The following GMDS variants were observed in gnomAD, a reference collection of about 807,000 sequenced individuals.
The protein encoded by GMDS is GDP-mannose 4,6-dehydratase.
A neutral mutation model predicts 49.9 loss-of-function variants in GMDS; 20 were observed. That is an observed-to-expected ratio of 0.40 (90% CI 0.28 to 0.58). GMDS has a LOEUF of 0.58. GMDS is among the 20% of genes least tolerant of loss of function. The pLI is 0.42. For synonymous variants in GMDS, 177 were observed against 178.6 expected, an observed-to-expected ratio of 0.99 and a Z score of 0.07; for missense variants, 362 against 481.4, an observed-to-expected ratio of 0.75 and a Z score of 2.32.
chr6:1,976,158 C>A (rs1431726365), intron 4 of GMDS, among the ~76,000 whole-genome samples: 1 of 152,008 alleles, frequency 6.6e-6, no homozygotes, highest in African/African-American at 2.4e-5. Flanking sequence ...CATAGATCAG[C>A]CCATTATGAG....
chr6:1,844,397 G>A (rs1757291714), intron 7 of GMDS, among the ~76,000 whole-genome samples: 1 of 152,308 alleles, frequency 6.6e-6, no homozygotes, highest in South Asian at 2.1e-4. Context: ...TTTAAAAATA[G>A]TATTACAGCA....
At chr6:1,943,065 C>T (rs914772967) in intron 6 of GMDS, among the ~76,000 whole-genome samples, 4 of 152,192 alleles carry the variant, frequency 2.6e-5, no homozygotes, top group African/African-American at 9.7e-5. Flanking sequence ...GCCTATGGGC[C>T]GGAAGCTCCT....
At chr6:2,148,662 C>T (rs555999074) in intron 1 of GMDS, among the ~76,000 whole-genome samples, 3 of 152,276 alleles carry the variant, frequency 2.0e-5, no homozygotes, top group South Asian at 2.1e-4. Flanking sequence ...TCAGGTGATC[C>T]GCCCGCCTTG....
intron 9 of GMDS, among the ~76,000 whole-genome samples, chr6:1,690,029 C>T (rs1394930681): frequency 2.0e-5 from 3 of 152,080 alleles, no homozygotes; most frequent in Non-Finnish European, 2.9e-5. Context: ...CTCTTGAACC[C>T]GGGAGGCAGA....
chr6:1,987,584 A>T (rs1765633798), intron 4 of GMDS, among the ~76,000 whole-genome samples: 1 of 152,226 alleles, frequency 6.6e-6, no homozygotes, highest in African/African-American at 2.4e-5. Flanking sequence ...TTCTAGTGAG[A>T]GGAGAAGAAA....
intron 7 of GMDS, among the ~76,000 whole-genome samples, chr6:1,805,956 G>C (rs1770159115): frequency 6.6e-6 from 1 of 152,098 alleles, no homozygotes; most frequent in Admixed American, 6.5e-5. Context: ...TGAAAATGTA[G>C]ATATATGTAA....
At chr6:2,068,748 T>G (rs577818838) in intron 4 of GMDS, among the ~76,000 whole-genome samples, 4 of 152,140 alleles carry the variant, frequency 2.6e-5, no homozygotes, top group Non-Finnish European at 5.9e-5. Flanking sequence ...TACAAGCCAC[T>G]GCTCAAGGAA....
intron 7 of GMDS, among the ~76,000 whole-genome samples, chr6:1,887,347 T>C (rs1392846011): frequency 7.2e-5 from 11 of 152,078 alleles, no homozygotes; most frequent in Admixed American, 5.2e-4. Flanking sequence ...TAGAAGGCCA[T>C]AGATTTGGAA....
At chr6:1,730,480 A>G (rs1167402588) in intron 8 of GMDS, among the ~76,000 whole-genome samples, 1 of 152,194 alleles carries the variant, frequency 6.6e-6, no homozygotes, top group Admixed American at 6.5e-5. Flanking sequence ...GCAAATCTCC[A>G]TAGGCAGCAG....
At chr6:1,672,178 T>A (rs959646049) in intron 9 of GMDS, among the ~76,000 whole-genome samples, 1 of 152,146 alleles carries the variant, frequency 6.6e-6, no homozygotes, top group Non-Finnish European at 1.5e-5. Context: ...ACGACGACTG[T>A]GGAGCATTTG....
intron 7 of GMDS, among the ~76,000 whole-genome samples, chr6:1,752,797 C>T (rs143264327): frequency 5.3e-5 from 8 of 152,074 alleles, no homozygotes; most frequent in South Asian, 2.1e-4. Flanking sequence ...GCTTCAAAAG[C>T]GAAGGAGAAA....
intron 7 of GMDS, among the ~76,000 whole-genome samples, chr6:1,914,320 G>C (rs1352292779): frequency 6.6e-6 from 1 of 151,292 alleles, no homozygotes; most frequent in Non-Finnish European, 1.5e-5. Flanking sequence ...GCCTGGCGTG[G>C]TGGTGGGCGC....
At chr6:1,645,241 T>C (rs1450631302) in intron 9 of GMDS, among the ~76,000 whole-genome samples, 2 of 152,118 alleles carry the variant, frequency 1.3e-5, no homozygotes, top group Non-Finnish European at 2.9e-5. Flanking sequence ...GCCTGCTTGA[T>C]TCTTATACCC....
chr6:1,847,003 T>C (rs1302615155), intron 7 of GMDS, among the ~76,000 whole-genome samples: 1 of 152,194 alleles, frequency 6.6e-6, no homozygotes, highest in Non-Finnish European at 1.5e-5. Context: ...CTTTCAGATG[T>C]ATTGAAATAG....
chr6:1,911,118 T>C (rs1282290219), intron 7 of GMDS, among the ~76,000 whole-genome samples: 1 of 152,098 alleles, frequency 6.6e-6, no homozygotes, highest in Non-Finnish European at 1.5e-5. Flanking sequence ...ATATATTTGA[T>C]GTGGGTAATA....
intron 9 of GMDS, among the ~76,000 whole-genome samples, chr6:1,654,088 C>A (rs1016155046): frequency 6.6e-6 from 1 of 152,038 alleles, no homozygotes; most frequent in Non-Finnish European, 1.5e-5. Flanking sequence ...GGTTTACTAT[C>A]AAAAAACCCA....
At chr6:2,143,002 A>G (rs1408292682) in intron 1 of GMDS, among the ~76,000 whole-genome samples, 2 of 152,112 alleles carry the variant, frequency 1.3e-5, no homozygotes, top group Non-Finnish European at 2.9e-5. Context: ...ACTTTCTCAG[A>G]AATGCATCCT....
At chr6:1,742,441 A>G in intron 8 of GMDS, 27 bp downstream of exon 8, 1 of 1,269,178 alleles carries the variant, frequency 7.9e-7, no homozygotes, top group Non-Finnish European at 1.2e-6. Flanking sequence ...AGAGAGCTAC[A>G]AGTAGTCATT....
intron 1 of GMDS, among the ~76,000 whole-genome samples, chr6:2,184,503 T>C (rs111883116): frequency 0.024 from 3,628 of 152,212 alleles, 132 homozygotes; most frequent in African/African-American, 0.082. Context: ...TGCACTTCTA[T>C]TTGTTCTGCC....
Sources: gnomAD v4.1 joint callset for allele counts (sites outside exome capture counted in the v4.1 genomes callset) on GRCh38, gnomAD v4.1.1 for gene constraint, MANE v1.5 for transcripts, NCBI Gene and HGNC (gene_info 2026-07-23, HGNC 2026-07-21) for gene names.